The following IL12B variants were observed in gnomAD, a reference collection of about 807,000 sequenced individuals.
The protein encoded by IL12B is interleukin 12B.
In IL12B, 27 loss-of-function variants were observed where a neutral mutation model predicts 39.2. The ratio of observed to expected loss-of-function variants is 0.69; its 90% CI spans 0.51 to 0.95. The LOEUF is 0.95. IL12B is among the 40% of genes least tolerant of loss of function. The probability of loss-of-function intolerance (pLI) is 0.00; values close to 1 mark genes in which losing one functional copy is unlikely to be tolerated. For missense variants in IL12B, 351 were observed against 397.6 expected (o/e 0.88, Z 1.00); for synonymous variants, 142 against 152.1 (o/e 0.93, Z 0.49).
At chr5:159,319,772 A>G (rs1268338150) in intron 5 of IL12B, among the ~76,000 whole-genome samples, 1 of 152,234 alleles carries the variant, frequency 6.6e-6, no homozygotes, top group African/African-American at 2.4e-5. Context: ...CTCTGGTTCT[A>G]TTACACTTTA....
chr5:159,316,798 C>A lies in IL12B; in HGVS notation c.874G>T (p.Asp292Tyr), dbSNP rs150030340. 45 of 1,613,930 alleles carry A rather than the reference C, an allele frequency of 2.8e-5. No homozygotes were observed. The highest frequency in any genetic ancestry group is 1.6e-4 in the Middle Eastern group (1 of 6,084). The change falls in exon 7 of 8, where the codon GAC becomes TAC. Residue 292 changes from aspartate (D) to tyrosine (Y), a missense_variant. Transcript: ENST00000231228. ...CAGATGACCGTGGCTGAGGTCTTGT[C>A]CGTGAAGACTCTATCTTTCTGCAAA... is the stretch of plus-strand genomic sequence containing the variant. The part of the protein sequence containing the change: ...KREKKDRVFT[D>Y]KTSATVICRK...
At chr5:159,327,859 T>A (rs1381829578) in intron 1 of IL12B, among the ~76,000 whole-genome samples, 1 of 152,170 alleles carries the variant, frequency 6.6e-6, no homozygotes, top group Non-Finnish European at 1.5e-5. Flanking sequence ...TAGGTTAGTA[T>A]CCAGGGTTTA....
intron 5 of IL12B, 56 bp from the exon 6 acceptor site, chr5:159,318,949 GT>G (rs1754037774): frequency 1.3e-6 from 2 of 1,502,998 alleles, no homozygotes; most frequent in Non-Finnish European, 9.2e-7. Context: ...GAGTTCAGTG[GT>G]TTTGGCTTAT....
chr5:159,327,622 G>C (rs566649082), intron 1 of IL12B, among the ~76,000 whole-genome samples: 1 of 152,298 alleles, frequency 6.6e-6, no homozygotes, highest in African/African-American at 2.4e-5. Flanking sequence ...GCAGGCATGA[G>C]GGCCTGAGAA....
intron 2 of IL12B, among the ~76,000 whole-genome samples, chr5:159,326,428 A>G (rs1198470734): frequency 6.6e-6 from 1 of 152,226 alleles, no homozygotes; most frequent in Non-Finnish European, 1.5e-5. Context: ...AAAATATCAT[A>G]TGTCATATGT....
rs536475664 is a variant in IL12B, at chr5:159,329,454, C to T, written c.-1+978G>A. Reference sequence around the variant, plus strand: ...ATGAAGTCAGGACCCACTATTTGCTCCCCTCCTTCCACAGCATTTACTACA... The same window carrying T: ...ATGAAGTCAGGACCCACTATTTGCTTCCCTCCTTCCACAGCATTTACTACA... On this transcript the variant is annotated intron_variant, in intron 1 of 7. Transcript: ENST00000231228. Among the ~76,000 whole-genome samples, 138 of 152,248 alleles carry T rather than the reference C, an allele frequency of 9.1e-4. 4 individuals carry two copies. The South Asian group carries it at 0.027, about 30-fold the overall frequency.
At chr5:159,327,471 C>A in intron 1 of IL12B, among the ~76,000 whole-genome samples, 1 of 152,182 alleles carries the variant, frequency 6.6e-6, no homozygotes, top group Non-Finnish European at 1.5e-5. Context: ...AGGGGTTTAG[C>A]TTCTCTTGTT....
At chr5:159,330,232 T>C (rs1754254668) in intron 1 of IL12B, among the ~76,000 whole-genome samples, 200 bp downstream of exon 1, 1 of 152,218 alleles carries the variant, frequency 6.6e-6, no homozygotes, top group African/African-American at 2.4e-5. Context: ...TTAGGTGGCT[T>C]TTAAAATGGA....
intron 1 of IL12B, among the ~76,000 whole-genome samples, chr5:159,329,130 C>G (rs1754237299): frequency 6.6e-6 from 1 of 152,220 alleles, no homozygotes; most frequent in African/African-American, 2.4e-5. Context: ...CTTCCCAACA[C>G]TGGTGCCAAC....
At position 159,315,581 on chromosome 5, in the gene IL12B, G is replaced by A. The variant is rs3213114; in HGVS notation, c.*520C>T. On this transcript the variant is annotated 3_prime_UTR_variant, in exon 8 of 8. Coordinates refer to ENST00000231228, the MANE Select transcript of IL12B (RefSeq NM_002187.3). ...CTTCTCAACAGGTTTGCATTGTCAG[G>A]TTTCCATGTAAGTATCTCTTGCGTT... 249 of 152,824 alleles carry A rather than the reference G, an allele frequency of 1.6e-3. 1 individual carries two copies. The highest frequency in any genetic ancestry group is 6.8e-3 in the Middle Eastern group (2 of 294). The allele number at this position is 152,824 out of a possible 1,614,324, so 9.5% of individuals were successfully genotyped here.
rs1265935512 is a variant in IL12B at position 159,315,668 on chromosome 5, A to G, written c.*433T>C. 2.0e-5 allele frequency: 3 copies of G among 152,788 alleles called. No homozygotes were observed. The highest frequency in any genetic ancestry group is 4.4e-5 in the Non-Finnish European group (3 of 68,036). The allele number at this position is 152,788 out of a possible 1,614,324, so 9.5% of individuals were successfully genotyped here. On this transcript the variant is annotated 3_prime_UTR_variant, in exon 8 of 8. Coordinates refer to ENST00000231228, the MANE Select transcript of IL12B (RefSeq NM_002187.3). Reference sequence around the variant, plus strand: ...GAACACTGCATTCTTCCTGATTGTCATAAAACTGATGTACTTGCAGCCTTG... The same window carrying G: ...GAACACTGCATTCTTCCTGATTGTCGTAAAACTGATGTACTTGCAGCCTTG...
intron 4 of IL12B, 35 bp downstream of exon 4, chr5:159,322,359 G>C: frequency 7.7e-7 from 1 of 1,298,218 alleles, no homozygotes; most frequent in Non-Finnish European, 1.1e-6. Context: ...AATAGTTCTA[G>C]AAAAATGCTG....
At chr5:159,321,158 C>G (rs955832159) in intron 4 of IL12B, among the ~76,000 whole-genome samples, 1 of 151,748 alleles carries the variant, frequency 6.6e-6, no homozygotes, top group African/African-American at 2.4e-5. Flanking sequence ...GCCACCACAC[C>G]CACCTAATTT....
At position 159,315,066 on chromosome 5, in the gene IL12B, TC is replaced by T. The variant is rs1453027163; in HGVS notation, c.*1034del. On this transcript the variant is annotated 3_prime_UTR_variant, in exon 8 of 8. Coordinates refer to ENST00000231228, the MANE Select transcript of IL12B (RefSeq NM_002187.3). ...TCATGTCCTTAGCCATAACTACTTGTCCTCTCTCTTGAATCTTAAGATCTTT... is the reference window on the plus strand; with the variant it reads ...TCATGTCCTTAGCCATAACTACTTGTCTCTCTCTTGAATCTTAAGATCTTT... The T allele has an allele frequency of 6.6e-6, 1 of 152,362 alleles. No individual in the cohort carries two copies. Among genetic ancestry groups the T allele is most frequent in the Non-Finnish European group, 1.5e-5 (1 of 68,042 alleles). 9.4% of individuals were successfully genotyped at this position (152,362 alleles called of 1,614,324 possible).
intron 7 of IL12B, 44 bp downstream of exon 7, chr5:159,316,641 C>T (rs1753994282): frequency 6.3e-6 from 10 of 1,588,380 alleles, no homozygotes; most frequent in Non-Finnish European, 7.7e-6. Context: ...CATCCAGGTG[C>T]ACTGAGAGTG....
At chr5:159,326,398 A>G (rs907145654) in intron 2 of IL12B, among the ~76,000 whole-genome samples, 1 of 152,204 alleles carries the variant, frequency 6.6e-6, no homozygotes, top group Non-Finnish European at 1.5e-5. Flanking sequence ...ATTGTGTGAA[A>G]CAGTTTTTAG....
intron 1 of IL12B, among the ~76,000 whole-genome samples, chr5:159,328,025 A>G (rs963378897): frequency 2.0e-5 from 3 of 152,238 alleles, no homozygotes; most frequent in African/African-American, 7.2e-5. Context: ...ATGAAGGGCA[A>G]TGCTCAACTG....
chr5:159,322,632 G>C (rs1235477200), intron 3 of IL12B, 121 bp from the exon 4 acceptor site: 3 of 733,990 alleles, frequency 4.1e-6, no homozygotes, highest in Non-Finnish European at 7.3e-6. Flanking sequence ...TTGCCTCTTG[G>C]GTAGCTCCAT....
chr5:159,321,044 G>C (rs1411864246), intron 4 of IL12B, among the ~76,000 whole-genome samples: 1 of 150,174 alleles, frequency 6.7e-6, no homozygotes, highest in African/African-American at 2.5e-5. Context: ...CTGCCACCCA[G>C]GCTGGAGTGA....
Sources: gnomAD v4.1 joint callset for allele counts (sites outside exome capture counted in the v4.1 genomes callset) on GRCh38, gnomAD v4.1.1 for gene constraint, MANE v1.5 for transcripts, NCBI Gene and HGNC (gene_info 2026-07-23, HGNC 2026-07-21) for gene names.